FZR1: variants seen among roughly 807,000 people sequenced by gnomAD.
FZR1 encodes the protein fizzy-related protein homolog.
In FZR1, 11 loss-of-function variants were observed where a neutral mutation model predicts 63.6. The observed-to-expected ratio is 0.17, with a 90% CI of 0.11 to 0.29. The LOEUF (loss-of-function observed/expected upper bound fraction) is 0.29. Among genes scored for constraint, FZR1 ranks in the 10% least tolerant of loss-of-function variants. The probability of loss-of-function intolerance (pLI) is 1.00; values close to 1 mark genes in which losing one functional copy is unlikely to be tolerated. For missense variants in FZR1, 440 were observed against 687.5 expected (o/e 0.64, Z 4.03); for synonymous variants, 328 against 297.9 (o/e 1.10, Z -1.04).
At chr19:3,511,974 G>A (rs1180805465) in intron 1 of FZR1, among the ~76,000 whole-genome samples, 1 of 152,168 alleles carries the variant, frequency 6.6e-6, no homozygotes, top group African/African-American at 2.4e-5. Flanking sequence ...CCCCGGCTCT[G>A]GTTCTGGTCC....
At chr19:3,508,268 C>G (rs1041100102) in intron 1 of FZR1, among the ~76,000 whole-genome samples, 5 of 141,268 alleles carry the variant, frequency 3.5e-5, no homozygotes, top group African/African-American at 1.1e-4. Flanking sequence ...GCGATCTCGG[C>G]TCACCGCAAC....
rs567420971 is a variant in FZR1 at position 3,534,735 on chromosome 19, C to T, written c.1441-60C>T. 30 of 1,507,526 alleles carry T rather than the reference C, an allele frequency of 2.0e-5. No homozygotes were observed. In the African/African-American group the frequency reaches 3.0e-4, roughly 15 times the overall value. 93.4% of individuals were successfully genotyped at this position (1,507,526 alleles called of 1,614,324 possible). A position where few individuals can be genotyped will look rare whatever the true frequency, so the allele number is the denominator to read the frequency against. ...AAGCCCCAAAGCCTTGGGGACCCTCCAGGCAGCTTCCTCCCTGGGCCTGCG... is the reference window on the plus strand; with the variant it reads ...AAGCCCCAAAGCCTTGGGGACCCTCTAGGCAGCTTCCTCCCTGGGCCTGCG... On this transcript the variant is annotated intron_variant, in intron 13 of 13. Coordinates refer to ENST00000441788, the MANE Select transcript of FZR1 (RefSeq NM_016263.4).
At chr19:3,519,879 C>T (rs1264353774) in intron 1 of FZR1, among the ~76,000 whole-genome samples, 3 of 152,130 alleles carry the variant, frequency 2.0e-5, no homozygotes, top group African/African-American at 7.2e-5. Context: ...TCCCGGGGGG[C>T]CCCACACCCA....
Position 3,527,796 on chromosome 19 carries a change from G to C in FZR1, c.636G>C (p.Trp212Cys). 1 of 1,611,964 alleles carries C rather than the reference G, an allele frequency of 6.2e-7. No individual in the cohort carries two copies. The highest frequency in any genetic ancestry group is 8.5e-7 in the Non-Finnish European group (1 of 1,179,140). ...GGCTAGGCACCTGCGTGTACCTGTGGAGTGCCTGTACCAGCCAGGTGGGTG... is the reference window on the plus strand; with the variant it reads ...GGCTAGGCACCTGCGTGTACCTGTGCAGTGCCTGTACCAGCCAGGTGGGTG... Reference protein sequence around the residue: ...SVGLGTCVYLWSACTSQVTRL... With the variant: ...SVGLGTCVYLCSACTSQVTRL... The change falls in exon 7 of 14, where the codon TGG (tryptophan) becomes TGC (cysteine). Residue 212 changes from tryptophan (W) to cysteine (C), a missense_variant. By Grantham distance (215) the Trp-to-Cys change is radical. Around this residue, in one of 5 missense-constraint regions of FZR1, gnomAD observed 208 missense variants for 363.6 expected, o/e 0.57. Transcript: ENST00000441788.
At chr19:3,508,207 T>C (rs1176952284) in intron 1 of FZR1, among the ~76,000 whole-genome samples, 13 of 144,916 alleles carry the variant, frequency 9.0e-5, no homozygotes, top group Non-Finnish European at 1.5e-4. Context: ...TTTCTTTTTT[T>C]TTTTTTTTTT....
intron 1 of FZR1, among the ~76,000 whole-genome samples, chr19:3,517,402 C>T (rs1267813593): frequency 1.4e-5 from 2 of 143,702 alleles, no homozygotes; most frequent in African/African-American, 5.2e-5. Flanking sequence ...AAATAAAAAT[C>T]CTGGCTGGGC....
In FZR1 at chr19:3,514,914, C is replaced by G. The variant is rs977845002; in HGVS notation, c.-34-8042C>G. 2.0e-5 allele frequency among the ~76,000 whole-genome samples: 3 copies of G among 152,180 alleles called. No homozygotes were observed. Among genetic ancestry groups the G allele is most frequent in the Non-Finnish European group, 4.4e-5 (3 of 68,018 alleles). ...TGCCCGGGGCAGTGGCAGAAGGAGGCCTCCTGGCTCTTCATTCTGGGGCCC... is the reference window on the plus strand; with the variant it reads ...TGCCCGGGGCAGTGGCAGAAGGAGGGCTCCTGGCTCTTCATTCTGGGGCCC... On this transcript the variant is annotated intron_variant, in intron 1 of 13. Coordinates refer to ENST00000441788, the MANE Select transcript of FZR1 (RefSeq NM_016263.4). The surrounding 1 kb of genome is among the most constrained non-coding windows in gnomAD (Gnocchi z 4.2).
chr19:3,538,249 G>A lies in FZR1; in HGVS notation c.*3413G>A, dbSNP rs1279314226. 1.2e-5 allele frequency: 2 copies of A among 166,848 alleles called. No homozygotes were observed. The highest frequency in any genetic ancestry group is 6.0e-5 in the Admixed American group (1 of 16,644). 10.3% of individuals were successfully genotyped at this position (166,848 alleles called of 1,614,324 possible). A position where few individuals can be genotyped will look rare whatever the true frequency, so the allele number is the denominator to read the frequency against. The stretch of plus-strand genomic sequence containing the variant: ...AGAGGAGGGGCAGGGCAGGGCAGGA[G>A]GTTTCTGGATGTTTGTTGGGTTTGG... On this transcript the variant is annotated 3_prime_UTR_variant, in exon 14 of 14. Coordinates refer to ENST00000441788, the MANE Select transcript of FZR1 (RefSeq NM_016263.4).
chr19:3,509,556 G>A (rs535959633), intron 1 of FZR1, among the ~76,000 whole-genome samples: 43 of 152,220 alleles, frequency 2.8e-4, no homozygotes, highest in Admixed American at 8.5e-4. Flanking sequence ...TCACAGGCTC[G>A]GGCCGCCATC....
chr19:3,516,077 A>G lies in FZR1; in HGVS notation c.-34-6879A>G, dbSNP rs943450640. 6.6e-6 allele frequency among the ~76,000 whole-genome samples: 1 copy of G among 152,238 alleles called. No individual in the cohort carries two copies. Among genetic ancestry groups the G allele is most frequent in the Admixed American group, 6.5e-5 (1 of 15,284 alleles). On this transcript the variant is annotated intron_variant, in intron 1 of 13. Transcript: ENST00000441788. This position sits in a 1 kb window ranked among gnomAD's most constrained non-coding sequence, Gnocchi z 6.0. Reference sequence around the variant, plus strand: ...AAATTCTTAGAAGTAGAAATACCGCATCACAGAGGATGTGCATTTTTTAAA... The same window carrying G: ...AAATTCTTAGAAGTAGAAATACCGCGTCACAGAGGATGTGCATTTTTTAAA...
rs2083146804 is a variant in FZR1, at chr19:3,525,513, G to T, written c.70-355G>T. 7.3e-6 allele frequency among the ~76,000 whole-genome samples: 1 copy of T among 137,566 alleles called. No individual in the cohort carries two copies. The highest frequency in any genetic ancestry group is 1.5e-5 in the Non-Finnish European group (1 of 66,596). 90.2% of individuals were successfully genotyped at this position (137,566 alleles called of 152,430 possible). On this transcript the variant is annotated intron_variant, in intron 2 of 13. Coordinates refer to ENST00000441788, the MANE Select transcript of FZR1 (RefSeq NM_016263.4). The surrounding 1 kb of genome is among the most constrained non-coding windows in gnomAD (Gnocchi z 4.2). Reference sequence around the variant, plus strand: ...GCTGGAGTGCAGTGGCACAATCTTGGCTCACTGCAAGCTCCGCCTCCCAGG... The same window carrying T: ...GCTGGAGTGCAGTGGCACAATCTTGTCTCACTGCAAGCTCCGCCTCCCAGG...
In FZR1 at chr19:3,536,441, C is replaced by G. The variant is rs992295821; in HGVS notation, c.*1605C>G. On this transcript the variant is annotated 3_prime_UTR_variant, in exon 14 of 14. Transcript: ENST00000441788. The stretch of plus-strand genomic sequence containing the variant: ...TGGCAGTGTGGATTTCCAGTGGTCA[C>G]GGTCTTACTGTTTCAAGGTTTTTAA... 2 of 152,364 alleles carry G rather than the reference C, an allele frequency of 1.3e-5. No homozygotes were observed. The highest frequency in any genetic ancestry group is 4.8e-5 in the African/African-American group (2 of 41,570). 9.4% of individuals were successfully genotyped at this position (152,364 alleles called of 1,614,324 possible). A position where few individuals can be genotyped will look rare whatever the true frequency, so the allele number is the denominator to read the frequency against.
chr19:3,526,341 C>T lies in FZR1; in HGVS notation c.342C>T (p.Asp114=), dbSNP rs200856412. The T allele has an allele frequency of 6.2e-7, 1 of 1,601,030 alleles. No homozygotes were observed. Among genetic ancestry groups the T allele is most frequent in the Admixed American group, 1.7e-5 (1 of 58,518 alleles). The stretch of plus-strand genomic sequence containing the variant: ...AGGTGCAGGACCCGCAGACTGAGGA[C>T]CGCAGGCTGCAGCCCTCCACGCCTG... ...IEKVQDPQTE[D]RRLQPSTPEK... is the part of the protein sequence containing the mutation. The change falls in exon 5 of 14, where the codon GAC becomes GAT. Residue 114 remains aspartate (D), a synonymous_variant. Coordinates refer to ENST00000441788, the MANE Select transcript of FZR1 (RefSeq NM_016263.4). The surrounding 1 kb of genome is among the most constrained non-coding windows in gnomAD (Gnocchi z 5.4).
At position 3,525,859 on chromosome 19, in the gene FZR1, GC is replaced by G; in HGVS notation, c.70-6del. 6.2e-7 allele frequency: 1 copy of G among 1,610,172 alleles called. No individual in the cohort carries two copies. ...TGCTGAGAGCAAGCCCTCTGCTGAT[GC>G]CCTTCAGGTCACAGAGATGCGGCGG... is the stretch of plus-strand genomic sequence containing the variant. On this transcript the variant is annotated splice_region_variant and splice_polypyrimidine_tract_variant and intron_variant, in intron 2 of 13. Transcript: ENST00000441788. The surrounding 1 kb of genome is among the most constrained non-coding windows in gnomAD (Gnocchi z 4.2).
At position 3,514,893 on chromosome 19, in the gene FZR1, C is replaced by T. The variant is rs1379555327; in HGVS notation, c.-34-8063C>T. ...AGAAGCTCGAGACTGAAGGCTTGCCCGGGGCAGTGGCAGAAGGAGGCCTCC... is the reference window on the plus strand; with the variant it reads ...AGAAGCTCGAGACTGAAGGCTTGCCTGGGGCAGTGGCAGAAGGAGGCCTCC... On this transcript the variant is annotated intron_variant, in intron 1 of 13. Coordinates refer to ENST00000441788, the MANE Select transcript of FZR1 (RefSeq NM_016263.4). This position sits in a 1 kb window ranked among gnomAD's most constrained non-coding sequence, Gnocchi z 4.2. Among the ~76,000 whole-genome samples the T allele has an allele frequency of 3.9e-5, 6 of 152,188 alleles. No individual in the cohort carries two copies. Among genetic ancestry groups the T allele is most frequent in the Admixed American group, 2.0e-4 (3 of 15,286 alleles).
intron 2 of FZR1, among the ~76,000 whole-genome samples, chr19:3,523,487 A>G (rs2083122663): frequency 6.6e-6 from 1 of 152,198 alleles, no homozygotes; most frequent in Non-Finnish European, 1.5e-5. Flanking sequence ...GGCTCCAGGC[A>G]GGCCACTGGC....
chr19:3,531,165 G>A (rs984070811), intron 8 of FZR1, among the ~76,000 whole-genome samples: 1 of 152,134 alleles, frequency 6.6e-6, no homozygotes, highest in African/African-American at 2.4e-5. Context: ...ACTCAGGGTC[G>A]AGTGGGCTTT....
intron 6 of FZR1, 53 bp downstream of exon 6, chr19:3,527,115 G>A (rs562462221): frequency 7.3e-7 from 1 of 1,368,646 alleles, no homozygotes; most frequent in Non-Finnish European, 1.0e-6. Flanking sequence ...CCCGTCAGCA[G>A]CAAGAGGTGG....
rs148549110 is a variant in FZR1, at chr19:3,527,700, C to T, written c.540C>T (p.Asp180=). Residue 180 remains aspartate (D), a synonymous_variant, in exon 7 of 14, where the codon GAC becomes GAT. Transcript: ENST00000441788. Reference sequence around the variant, plus strand: ...CCAAGATCCCCTTCAAGGTGCTGGACGCGCCCGAGCTGCAGGACGACTTCT... The same window carrying T: ...CCAAGATCCCCTTCAAGGTGCTGGATGCGCCCGAGCTGCAGGACGACTTCT... ...KISKIPFKVL[D]APELQDDFYL... is the part of the protein sequence containing the mutation. 5.8e-4 allele frequency: 941 copies of T among 1,612,400 alleles called. 3 individuals are homozygous for T. Among genetic ancestry groups the T allele is most frequent in the African/African-American group, 5.2e-3 (389 of 75,028 alleles).
Sources: allele counts gnomAD v4.1 joint callset (sites outside exome capture counted in the v4.1 genomes callset), GRCh38; gene constraint gnomAD v4.1.1; regional missense constraint gnomAD v4.1.1; non-coding constraint Gnocchi (gnomAD v3.1); transcripts MANE v1.5; gene names NCBI Gene and HGNC (gene_info 2026-07-23, HGNC 2026-07-21).